ASAP2: variants seen among roughly 807,000 people sequenced by gnomAD.
ASAP2 encodes the protein ArfGAP with SH3 domain, ankyrin repeat and PH domain 2.
In ASAP2, 45 loss-of-function variants were observed where a neutral mutation model predicts 131.4. That is an observed-to-expected ratio of 0.34 (90% CI 0.27 to 0.44). The LOEUF (loss-of-function observed/expected upper bound fraction) is 0.44, where lower values mean the gene tolerates loss of function less well. Ranked by LOEUF, ASAP2 falls within the 20% of genes least tolerant of loss-of-function variation. The pLI, the probability that ASAP2 is intolerant of heterozygous loss-of-function variation, is 1.00. For synonymous variants in ASAP2, 510 were observed against 503.0 expected (o/e 1.01, Z -0.19); for missense variants, 1,011 against 1,297.0 (o/e 0.78, Z 3.39).
In ASAP2 at chr2:9,403,386, C is replaced by G. The variant is rs1454345864; in HGVS notation, c.*59C>G. 10 of 1,528,668 alleles carry G rather than the reference C, an allele frequency of 6.5e-6. No individual in the cohort carries two copies. Among genetic ancestry groups the G allele is most frequent in the South Asian group, 2.3e-5 (2 of 87,906 alleles). 94.7% of individuals were successfully genotyped at this position (1,528,668 alleles called of 1,614,324 possible). On this transcript the variant is annotated 3_prime_UTR_variant, in exon 28 of 28. Coordinates refer to ENST00000281419, the MANE Select transcript of ASAP2 (RefSeq NM_003887.3). ...TCCTGTTTCGTTATTGGTACCAAAA[C>G]TCTTGCCAGATAACCAGTTTCATGA... is the stretch of plus-strand genomic sequence containing the variant.
chr2:9,326,681 A>G (rs1670501312), intron 6 of ASAP2, among the ~76,000 whole-genome samples: 1 of 152,276 alleles, frequency 6.6e-6, no homozygotes, highest in Non-Finnish European at 1.5e-5. Flanking sequence ...TTCGCTGCTG[A>G]TGCTTTATAA....
chr2:9,240,620 G>C (rs1438783402), intron 1 of ASAP2, among the ~76,000 whole-genome samples: 1 of 152,124 alleles, frequency 6.6e-6, no homozygotes, highest in Non-Finnish European at 1.5e-5. Context: ...TTTGCAGTTT[G>C]AGATGTGAAG....
At chr2:9,393,913 C>G (rs1675919233) in intron 24 of ASAP2, among the ~76,000 whole-genome samples, 1 of 152,218 alleles carries the variant, frequency 6.6e-6, no homozygotes, top group Non-Finnish European at 1.5e-5. Flanking sequence ...CTATTTGCTG[C>G]TCACCCCCCA....
In ASAP2 at chr2:9,358,752, G is replaced by T; in HGVS notation, c.1328-4G>T. 6.2e-7 allele frequency: 1 copy of T among 1,610,338 alleles called. No homozygotes were observed. The highest frequency in any genetic ancestry group is 8.5e-7 in the Non-Finnish European group (1 of 1,178,822). On this transcript the variant is annotated splice_polypyrimidine_tract_variant and splice_region_variant and intron_variant, in intron 14 of 27. Transcript: ENST00000281419. Reference sequence around the variant, plus strand: ...GCTCAAATCTGCCCTGTTCTCTTTGGCAGATCCTACATGGCTTTCCACCAA... The same window carrying T: ...GCTCAAATCTGCCCTGTTCTCTTTGTCAGATCCTACATGGCTTTCCACCAA...
intron 24 of ASAP2, among the ~76,000 whole-genome samples, chr2:9,397,750 ATTTTTTTTTTTTTTT>A (rs1172660637): frequency 6.7e-5 from 3 of 44,810 alleles, no homozygotes; most frequent in Admixed American, 3.5e-4. Context: ...ATATATATAT[ATTTTTTTTTTTTTTT>A]TTTTTTTTTT....
chr2:9,390,329 G>A (rs770749931), intron 22 of ASAP2, among the ~76,000 whole-genome samples: 21 of 152,324 alleles, frequency 1.4e-4, no homozygotes, highest in Non-Finnish European at 2.6e-4. Context: ...GGAGGAGCTC[G>A]AAGGCTTCCT....
intron 18 of ASAP2, among the ~76,000 whole-genome samples, chr2:9,377,331 G>A (rs1181024983): frequency 2.0e-5 from 3 of 152,324 alleles, no homozygotes; most frequent in Admixed American, 1.3e-4. Context: ...CCAGGTCATC[G>A]TACTGCGCAA....
intron 17 of ASAP2, 26 bp downstream of exon 17, chr2:9,374,970 T>TAA (rs61275202): frequency 3.1e-4 from 427 of 1,381,198 alleles, no homozygotes; most frequent in African/African-American, 2.6e-3. Flanking sequence ...GTTGCTACTT[T>TAA]AAAAAAAAAA....
chr2:9,214,386 A>T (rs576198422), intron 1 of ASAP2, among the ~76,000 whole-genome samples: 233 of 152,010 alleles, frequency 1.5e-3, no homozygotes, highest in African/African-American at 5.0e-3. Context: ...ATTACAGGTG[A>T]CTGCCACCAT....
chr2:9,238,685 GT>G (rs964149177), intron 1 of ASAP2, among the ~76,000 whole-genome samples: 3 of 151,212 alleles, frequency 2.0e-5, no homozygotes, highest in Non-Finnish European at 4.4e-5. Context: ...TTTTTGGCCA[GT>G]TTTTTTTTGG....
chr2:9,289,369 A>T (rs1301608409), intron 2 of ASAP2, among the ~76,000 whole-genome samples: 1 of 152,128 alleles, frequency 6.6e-6, no homozygotes, highest in Non-Finnish European at 1.5e-5. Context: ...GCTCTGTTTG[A>T]TGAATCTTTG....
intron 4 of ASAP2, among the ~76,000 whole-genome samples, chr2:9,319,898 T>A (rs565372371): frequency 1.3e-5 from 2 of 152,334 alleles, no homozygotes; most frequent in African/African-American, 4.8e-5. Flanking sequence ...GAGATTCATC[T>A]ATCAATTAGA....
At chr2:9,327,617 A>G (rs570291684) in intron 6 of ASAP2, among the ~76,000 whole-genome samples, 1 of 152,278 alleles carries the variant, frequency 6.6e-6, no homozygotes, top group Admixed American at 6.5e-5. Flanking sequence ...TGGCACTTCA[A>G]TATTTAATTA....
intron 1 of ASAP2, among the ~76,000 whole-genome samples, chr2:9,243,069 G>T (rs1256356312): frequency 6.6e-6 from 1 of 152,184 alleles, no homozygotes. Context: ...CCAAGAACAG[G>T]AATGTTTTGC....
At chr2:9,283,875 C>T (rs1257041798) in intron 2 of ASAP2, among the ~76,000 whole-genome samples, 7 of 152,268 alleles carry the variant, frequency 4.6e-5, no homozygotes, top group Admixed American at 3.9e-4. Flanking sequence ...AGGGCCTCAC[C>T]CACTTGACCT....
chr2:9,267,897 C>CAAAAAAAAAAAA (rs34716225), intron 1 of ASAP2, among the ~76,000 whole-genome samples: 1 of 65,022 alleles, frequency 1.5e-5, no homozygotes, highest in African/African-American at 7.0e-5. Context: ...GACTCTATCT[C>CAAAAAAAAAAAA]AAAAAAAAAA....
rs987738631 is a variant in ASAP2 at position 9,207,842 on chromosome 2, G to A, written c.126+612G>A. Among the ~76,000 whole-genome samples, 11 of 152,244 alleles carry A rather than the reference G, an allele frequency of 7.2e-5. No homozygotes were observed. The highest frequency in any genetic ancestry group is 7.2e-4 in the Admixed American group (11 of 15,288). ...TTCTGGGTCCAAGAAGCCTCCAGGA[G>A]CCGCTCCCCGGTTACCTGGGTCTCA... On this transcript the variant is annotated intron_variant, in intron 1 of 27. Coordinates refer to ENST00000281419, the MANE Select transcript of ASAP2 (RefSeq NM_003887.3). This position sits in a 1 kb window ranked among gnomAD's most constrained non-coding sequence, Gnocchi z 4.1.
intron 16 of ASAP2, among the ~76,000 whole-genome samples, chr2:9,371,624 G>A (rs1673966526): frequency 6.6e-6 from 1 of 152,138 alleles, no homozygotes; most frequent in African/African-American, 2.4e-5. Context: ...GGATCTTGGG[G>A]GTGTCAGGGA....
intron 6 of ASAP2, 74 bp from the exon 7 acceptor site, chr2:9,327,752 C>G (rs1160919379): frequency 9.3e-7 from 1 of 1,076,212 alleles, no homozygotes; most frequent in African/African-American, 1.7e-5. Flanking sequence ...AAGAAATCAT[C>G]TCAGTCCTCA....
Sources: gnomAD v4.1 joint callset for allele counts (sites outside exome capture counted in the v4.1 genomes callset) on GRCh38, gnomAD v4.1.1 for gene constraint, Gnocchi (gnomAD v3.1) non-coding constraint, MANE v1.5 for transcripts, NCBI Gene and HGNC (gene_info 2026-07-23, HGNC 2026-07-21) for gene names.